SCAI: variants seen among roughly 807,000 people sequenced by gnomAD.
SCAI encodes the protein protein SCAI.
In SCAI, 24 loss-of-function variants were observed where a neutral mutation model predicts 92.2. The observed-to-expected ratio is 0.26, with a 90% CI of 0.19 to 0.37. The LOEUF is 0.37. Among genes scored for constraint, SCAI ranks in the 10% least tolerant of loss-of-function variants. The pLI is 1.00. For missense variants in SCAI, 450 were observed against 736.2 expected (o/e 0.61, Z 4.50); for synonymous variants, 261 against 258.6 (o/e 1.01, Z -0.09).
chr9:125,035,675 TAGTGA>T (rs1426288548), intron 3 of SCAI, among the ~76,000 whole-genome samples: 1 of 152,210 alleles, frequency 6.6e-6, no homozygotes, highest in African/African-American at 2.4e-5. Flanking sequence ...ACACAGCACC[TAGTGA>T]AAACACAAAA....
intron 3 of SCAI, among the ~76,000 whole-genome samples, chr9:125,035,354 TAAA>T (rs889162425): frequency 6.6e-6 from 1 of 151,286 alleles, no homozygotes; most frequent in Non-Finnish European, 1.5e-5. Flanking sequence ...GACTCTATCT[TAAA>T]AAAAGAAAAA....
At chr9:125,004,752 TATATATATA>T (rs1832445137) in intron 9 of SCAI, among the ~76,000 whole-genome samples, 1 of 15,188 alleles carries the variant, frequency 6.6e-5, no homozygotes, top group African/African-American at 2.7e-4. Flanking sequence ...TATATATATA[TATATATATA>T]TATATATATA....
chr9:124,990,332 C>G (rs1196936779), intron 14 of SCAI, among the ~76,000 whole-genome samples: 1 of 149,338 alleles, frequency 6.7e-6, no homozygotes, highest in Non-Finnish European at 1.5e-5. Flanking sequence ...CTACTAAAAA[C>G]ACAAAAATCA....
At chr9:125,130,134 G>A (rs1337233474) in intron 2 of SCAI, among the ~76,000 whole-genome samples, 4 of 151,996 alleles carry the variant, frequency 2.6e-5, no homozygotes, top group African/African-American at 9.7e-5. Context: ...CCTGACCTCA[G>A]GTGATCCGCC....
At position 124,950,040 on chromosome 9, in the gene SCAI, T is replaced by C. The variant is rs1266809237; in HGVS notation, c.*2767A>G. 6.6e-6 allele frequency: 1 copy of C among 152,190 alleles called. No individual in the cohort carries two copies. The highest frequency in any genetic ancestry group is 1.9e-4 in the East Asian group (1 of 5,202). 9.4% of individuals were successfully genotyped at this position (152,190 alleles called of 1,614,324 possible). Reference sequence around the variant, plus strand: ...ATGTTGTGATTTCTAAGACCCTCATTTTTAGACAAGCATGTTTCTAATCAT... The same window carrying C: ...ATGTTGTGATTTCTAAGACCCTCATCTTTAGACAAGCATGTTTCTAATCAT... On this transcript the variant is annotated 3_prime_UTR_variant, in exon 18 of 18. Transcript: ENST00000336505.
intron 2 of SCAI, among the ~76,000 whole-genome samples, chr9:125,104,812 G>T (rs929162080): frequency 6.6e-6 from 1 of 152,016 alleles, no homozygotes; most frequent in African/African-American, 2.4e-5. Flanking sequence ...ACAAAAATTA[G>T]CCAGGCATGG....
intron 9 of SCAI, among the ~76,000 whole-genome samples, chr9:125,013,074 G>T (rs2131060375): frequency 6.6e-6 from 1 of 152,226 alleles, no homozygotes; most frequent in South Asian, 2.1e-4. Context: ...ACAAGAGAAA[G>T]CAAGAAAGAT....
At chr9:124,960,622 C>T (rs950211489) in intron 17 of SCAI, among the ~76,000 whole-genome samples, 7 of 152,082 alleles carry the variant, frequency 4.6e-5, no homozygotes, top group African/African-American at 1.2e-4. Flanking sequence ...CAAGTAATCT[C>T]GAGTGAAAAC....
At chr9:125,134,416 T>C (rs1835471974) in intron 2 of SCAI, among the ~76,000 whole-genome samples, 1 of 152,140 alleles carries the variant, frequency 6.6e-6, no homozygotes, top group Non-Finnish European at 1.5e-5. Context: ...CTAGAAAGCA[T>C]TCAAATGTTT....
chr9:125,092,125 G>A lies in SCAI; in HGVS notation c.99-36118C>T, dbSNP rs543957708. ...AGCCTGGGCGACAGAGCAAGACTCC[G>A]TCTCTTAAAAAAAAAAAAAAAAAAA... On this transcript the variant is annotated intron_variant, in intron 2 of 17. Coordinates refer to ENST00000336505, the MANE Select transcript of SCAI (RefSeq NM_001144877.3). 8.6e-4 allele frequency among the ~76,000 whole-genome samples: 80 copies of A among 92,500 alleles called. 1 individual carries two copies. The highest frequency in any genetic ancestry group is 2.7e-3 in the South Asian group (6 of 2,234). The allele number at this position is 92,500 out of a possible 152,430, so 60.7% of individuals were successfully genotyped here. A position where few individuals can be genotyped will look rare whatever the true frequency, so the allele number is the denominator to read the frequency against.
At chr9:125,124,774 T>C (rs768746929) in intron 2 of SCAI, among the ~76,000 whole-genome samples, 44 of 152,220 alleles carry the variant, frequency 2.9e-4, no homozygotes, top group Non-Finnish European at 4.4e-4. Context: ...CATAACTGAC[T>C]TGGCTCTATT....
chr9:125,074,449 G>A (rs1834046852), intron 2 of SCAI, among the ~76,000 whole-genome samples: 1 of 149,472 alleles, frequency 6.7e-6, no homozygotes, highest in Non-Finnish European at 1.5e-5. Flanking sequence ...TAGAGATGGG[G>A]GTCTCACCAT....
Position 124,943,750 on chromosome 9 carries a change from T to G in SCAI, c.*9057A>C, listed in dbSNP as rs1399189323. On this transcript the variant is annotated 3_prime_UTR_variant, in exon 18 of 18. Transcript: ENST00000336505. ...AAGATCAAACATAACTTATTTTAAC[T>G]CCTATTTGATTATCTTAACCTTTAG... The G allele has an allele frequency of 2.6e-5, 4 of 152,184 alleles. No homozygotes were observed. Among genetic ancestry groups the G allele is most frequent in the African/African-American group, 9.7e-5 (4 of 41,450 alleles). The allele number at this position is 152,184 out of a possible 1,614,324, so 9.4% of individuals were successfully genotyped here.
intron 13 of SCAI, among the ~76,000 whole-genome samples, chr9:124,996,048 T>C (rs563889189): frequency 2.8e-4 from 42 of 152,314 alleles, no homozygotes; most frequent in African/African-American, 9.9e-4. Flanking sequence ...AACTTCATTA[T>C]ATTTCAAATA....
intron 2 of SCAI, among the ~76,000 whole-genome samples, chr9:125,057,766 G>C (rs1222736493): frequency 1.3e-5 from 2 of 152,176 alleles, no homozygotes; most frequent in Non-Finnish European, 2.9e-5. Context: ...AGCAGCAATG[G>C]GAGATTTGCT....
At chr9:125,131,094 C>G (rs1160162749) in intron 2 of SCAI, among the ~76,000 whole-genome samples, 1 of 151,612 alleles carries the variant, frequency 6.6e-6, no homozygotes, top group Non-Finnish European at 1.5e-5. Flanking sequence ...ATCCAGCTAA[C>G]AAACAGATAT....
chr9:125,059,611 G>GTT, intron 2 of SCAI, among the ~76,000 whole-genome samples: 1 of 152,208 alleles, frequency 6.6e-6, no homozygotes, highest in African/African-American at 2.4e-5. Context: ...GCTAGAGGCA[G>GTT]TGTAAATTAG....
intron 5 of SCAI, among the ~76,000 whole-genome samples, chr9:125,028,142 C>T (rs1363126899): frequency 6.6e-6 from 1 of 152,118 alleles, no homozygotes; most frequent in Non-Finnish European, 1.5e-5. Context: ...AAACCAAGAT[C>T]AAATTTTTAA....
Position 125,022,944 on chromosome 9 carries a change from GAA to G in SCAI, c.513-2177_513-2176del, listed in dbSNP as rs550683276. Among the ~76,000 whole-genome samples the G allele has an allele frequency of 5.8e-3, 878 of 152,064 alleles. 9 individuals are homozygous for G. Among genetic ancestry groups the G allele is most frequent in the African/African-American group, 0.02 (814 of 41,444 alleles). The stretch of plus-strand genomic sequence containing the variant: ...CTCACTTTCCCCCTCTACCTCTTCT[GAA>G]GTTACACATTCTAATTATAGTTTTC... On this transcript the variant is annotated intron_variant, in intron 6 of 17. Transcript: ENST00000336505.
Sources: allele counts gnomAD v4.1 joint callset (sites outside exome capture counted in the v4.1 genomes callset), GRCh38; gene constraint gnomAD v4.1.1; transcripts MANE v1.5; gene names NCBI Gene and HGNC (gene_info 2026-07-23, HGNC 2026-07-21).